THADA: variants seen among roughly 807,000 people sequenced by gnomAD.
THADA encodes the protein THADA armadillo repeat containing.
A neutral mutation model predicts 219.8 loss-of-function variants in THADA; 213 were observed. The observed-to-expected ratio is 0.97, with a 90% CI of 0.87 to 1.09. The LOEUF (loss-of-function observed/expected upper bound fraction) is 1.09. Ranked by LOEUF, THADA falls within the 50% of genes least tolerant of loss-of-function variation. The pLI is 0.00. For synonymous variants in THADA, 1,018 were observed against 828.9 expected (o/e 1.23, Z -3.92); for missense variants, 2,956 against 2,311.3 (o/e 1.28, Z -5.72).
chr2:43,357,013 T>C (rs1419471677), intron 29 of THADA, among the ~76,000 whole-genome samples: 1 of 152,190 alleles, frequency 6.6e-6, no homozygotes, highest in Non-Finnish European at 1.5e-5. Flanking sequence ...AAACTATAAA[T>C]TACTTTGTGC....
In THADA at chr2:43,572,940, C is replaced by G. The variant is rs141966467; in HGVS notation, c.1782G>C (p.Leu594=). Reference sequence around the variant, plus strand: ...TTCGCAGACATGCCATCAAAGCTCCCAGAGCCCCCCTGCTATTACAAGACC... The same window carrying G: ...TTCGCAGACATGCCATCAAAGCTCCGAGAGCCCCCCTGCTATTACAAGACC... ...SLGSCNSRGA[L]GALMACLRIA... is the part of the protein sequence containing the mutation. The change falls in exon 12 of 38, where the codon CTG becomes CTC. Residue 594 remains leucine (L), a synonymous_variant. Coordinates refer to ENST00000405975, the MANE Select transcript of THADA (RefSeq NM_022065.5). 6.2e-7 allele frequency: 1 copy of G among 1,613,950 alleles called. No homozygotes were observed. The highest frequency in any genetic ancestry group is 8.5e-7 in the Non-Finnish European group (1 of 1,179,866).
chr2:43,268,577 G>C (rs909862677), intron 36 of THADA, among the ~76,000 whole-genome samples: 7 of 152,252 alleles, frequency 4.6e-5, no homozygotes, highest in Non-Finnish European at 1.0e-4. Flanking sequence ...GGAGATTTGA[G>C]AACAGAATTG....
chr2:43,403,359 A>C (rs1676311495), intron 28 of THADA, among the ~76,000 whole-genome samples: 1 of 152,206 alleles, frequency 6.6e-6, no homozygotes, highest in Non-Finnish European at 1.5e-5. Context: ...GATAATAGCT[A>C]ACATCTCCTG....
At position 43,399,296 on chromosome 2, in the gene THADA, G is replaced by T. The variant is rs972624860; in HGVS notation, c.4059-1157C>A. Among the ~76,000 whole-genome samples, 6 of 152,212 alleles carry T rather than the reference G, an allele frequency of 3.9e-5. No individual in the cohort carries two copies. In the South Asian group the frequency reaches 1.2e-3, roughly 32 times the overall value. On this transcript the variant is annotated intron_variant, in intron 28 of 37. Transcript: ENST00000405975. The stretch of plus-strand genomic sequence containing the variant: ...TGTAGGGGAAAAGAGATGGCCTCTT[G>T]ACTGTTTTCAAAACTAATCTGTGTT...
chr2:43,291,721 G>A lies in THADA; in HGVS notation c.4985C>T (p.Ser1662Phe), dbSNP rs759552112. The change falls in exon 34 of 38, where the codon TCC becomes TTC. Residue 1662 changes from serine to phenylalanine, a missense_variant. Physicochemically the swap from Ser to Phe is radical, Grantham distance 155. Transcript: ENST00000405975. ...VALRLASKVI[S>F]HHMQTCVENR... ...CTCCACACATGTCTGCATGTGGTGG[G>A]AAATGACTTTGGAAGCAAGTCTCAG... 2 of 1,557,486 alleles carry A rather than the reference G, an allele frequency of 1.3e-6. No homozygotes were observed. Among genetic ancestry groups the A allele is most frequent in the Admixed American group, 1.9e-5 (1 of 51,390 alleles).
intron 30 of THADA, among the ~76,000 whole-genome samples, chr2:43,326,266 A>G (rs889572650): frequency 2.6e-5 from 4 of 151,980 alleles, no homozygotes; most frequent in Admixed American, 6.5e-5. Flanking sequence ...AGGAGGGATT[A>G]ACAGAGTAAC....
chr2:43,234,489 G>A (rs1206099006), intron 36 of THADA, among the ~76,000 whole-genome samples: 1 of 152,150 alleles, frequency 6.6e-6, no homozygotes, highest in African/African-American at 2.4e-5. Flanking sequence ...AAGGGGAGGG[G>A]GTGAAGGTGC....
chr2:43,317,338 G>C (rs527400987), intron 31 of THADA, among the ~76,000 whole-genome samples: 2 of 152,310 alleles, frequency 1.3e-5, no homozygotes, highest in South Asian at 4.1e-4. Flanking sequence ...TCTAAAAACT[G>C]AGGAGAACTG....
chr2:43,454,528 A>G (rs1042465748), intron 26 of THADA, among the ~76,000 whole-genome samples: 2 of 152,016 alleles, frequency 1.3e-5, no homozygotes, highest in Non-Finnish European at 2.9e-5. Flanking sequence ...CTTGAGCCCA[A>G]GAGGTCGAGG....
intron 26 of THADA, among the ~76,000 whole-genome samples, chr2:43,459,819 T>A (rs1466438273): frequency 1.3e-5 from 2 of 152,170 alleles, no homozygotes; most frequent in African/African-American, 4.8e-5. Flanking sequence ...TACTGTAGAC[T>A]TGTTTTTTAA....
chr2:43,404,098 C>G (rs1329489461), intron 28 of THADA, among the ~76,000 whole-genome samples: 2 of 152,228 alleles, frequency 1.3e-5, no homozygotes, highest in African/African-American at 4.8e-5. Context: ...TCAGTTCATT[C>G]TCACTAGAGT....
At chr2:43,451,878 AGGTCAAT>A (rs1196476521) in intron 26 of THADA, among the ~76,000 whole-genome samples, 1 of 152,200 alleles carries the variant, frequency 6.6e-6, no homozygotes, top group Non-Finnish European at 1.5e-5. Flanking sequence ...AGGCTGAGGC[AGGTCAAT>A]CACCTGAGGT....
At chr2:43,516,627 G>A (rs1355364503) in intron 22 of THADA, among the ~76,000 whole-genome samples, 1 of 152,118 alleles carries the variant, frequency 6.6e-6, no homozygotes, top group African/African-American at 2.4e-5. Context: ...AGAGACGGAA[G>A]CTAAATAATT....
rs1262235838 is a variant in THADA at position 43,586,877 on chromosome 2, G to C, written c.428C>G (p.Ser143Cys). 1 of 1,613,798 alleles carries C rather than the reference G, an allele frequency of 6.2e-7. No homozygotes were observed. Among genetic ancestry groups the C allele is most frequent in the Non-Finnish European group, 8.5e-7 (1 of 1,179,844 alleles). ...ACCCAAGTTAAAGTTCTCCATACAG[G>C]AAGAAATATTGTCAGTAACTTTCCT... ...SYRKVTDNIS[S>C]CMENFNLGRA... The change falls in exon 5 of 38, where the codon TCC becomes TGC. Residue 143 changes from serine to cysteine, a missense_variant. Coordinates refer to ENST00000405975, the MANE Select transcript of THADA (RefSeq NM_022065.5).
intron 36 of THADA, among the ~76,000 whole-genome samples, chr2:43,243,893 G>A (rs1291916980): frequency 6.6e-6 from 1 of 152,198 alleles, no homozygotes; most frequent in African/African-American, 2.4e-5. Flanking sequence ...AAACTCCACA[G>A]AAGTGTTACA....
At chr2:43,331,996 T>C (rs923741563) in intron 30 of THADA, among the ~76,000 whole-genome samples, 11 of 151,680 alleles carry the variant, frequency 7.3e-5, no homozygotes, top group African/African-American at 2.7e-4. Context: ...TTTTGTGTAC[T>C]TGGGCAATGA....
chr2:43,440,156 T>C (rs1194079337), intron 26 of THADA, among the ~76,000 whole-genome samples: 1 of 152,232 alleles, frequency 6.6e-6, no homozygotes, highest in South Asian at 2.1e-4. Context: ...CATACAGGTA[T>C]ATACTTTTAG....
At chr2:43,382,648 T>C (rs894876506) in intron 29 of THADA, among the ~76,000 whole-genome samples, 3 of 152,198 alleles carry the variant, frequency 2.0e-5, no homozygotes, top group Non-Finnish European at 2.9e-5. Context: ...ACAATTCTCC[T>C]GAAAAGCATA....
chr2:43,397,641 C>T (rs1674241751), intron 29 of THADA, among the ~76,000 whole-genome samples: 1 of 151,584 alleles, frequency 6.6e-6, no homozygotes, highest in South Asian at 2.1e-4. Context: ...TAGGTAGTAG[C>T]CCAGAATGTT....
Sources: allele counts gnomAD v4.1 joint callset (sites outside exome capture counted in the v4.1 genomes callset), GRCh38; gene constraint gnomAD v4.1.1; transcripts MANE v1.5; gene names NCBI Gene and HGNC (gene_info 2026-07-23, HGNC 2026-07-21).